NTM: variants seen among roughly 807,000 people sequenced by gnomAD.
The protein encoded by NTM is IgLON family member 2.
In NTM, 13 loss-of-function variants were observed where a neutral mutation model predicts 42.1. The observed-to-expected ratio is 0.31, with a 90% CI of 0.20 to 0.49. The LOEUF is 0.49. NTM is among the 20% of genes least tolerant of loss of function. NTM has a pLI of 0.99. For missense variants in NTM, 373 were observed against 452.8 expected (o/e 0.82, Z 1.60); for synonymous variants, 187 against 179.2 (o/e 1.04, Z -0.35).
chr11:132,237,706 G>A (rs1214497464), intron 4 of NTM, among the ~76,000 whole-genome samples: 1 of 152,110 alleles, frequency 6.6e-6, no homozygotes, highest in Non-Finnish European at 1.5e-5. Context: ...GTCCTCCCCT[G>A]TAAATCAGAA....
At chr11:131,504,691 A>G (rs1357206926) in intron 1 of NTM, among the ~76,000 whole-genome samples, 1 of 151,912 alleles carries the variant, frequency 6.6e-6, no homozygotes, top group African/African-American at 2.4e-5. Context: ...TGCGTGCTCC[A>G]TGGCCATCTG....
chr11:132,147,214 T>TGTGAGAGA (rs1337361068), intron 3 of NTM, among the ~76,000 whole-genome samples: 17 of 122,830 alleles, frequency 1.4e-4, no homozygotes, highest in African/African-American at 5.7e-4. Flanking sequence ...TGTGTGTGTG[T>TGTGAGAGA]GAGAGAGAGA....
At chr11:131,955,294 C>T (rs556578645) in intron 2 of NTM, among the ~76,000 whole-genome samples, 1 of 152,186 alleles carries the variant, frequency 6.6e-6, no homozygotes, top group South Asian at 2.1e-4. Flanking sequence ...ACTGCGTTGC[C>T]TGGAATAGTA....
chr11:132,013,896 G>A (rs976819174), intron 2 of NTM, among the ~76,000 whole-genome samples: 16 of 152,124 alleles, frequency 1.1e-4, no homozygotes, highest in African/African-American at 3.6e-4. Flanking sequence ...ATTTCGAGTG[G>A]TATCTTCTAG....
rs376227131 is a variant in NTM at position 131,926,904 on chromosome 11, C to A, written c.167+15256C>A. Among the ~76,000 whole-genome samples, 5 of 152,268 alleles carry A rather than the reference C, an allele frequency of 3.3e-5. No individual in the cohort carries two copies. The East Asian group carries it at 5.8e-4, about 18-fold the overall frequency. ...ACTTATCACATCTGCAAGTTATAAA[C>A]GTTTAAAATGTGCATGATATCCAAT... On this transcript the variant is annotated intron_variant, in intron 2 of 8. Transcript: ENST00000683400.
intron 7 of NTM, among the ~76,000 whole-genome samples, chr11:132,317,452 A>G (rs1457910958): frequency 6.6e-6 from 1 of 152,110 alleles, no homozygotes; most frequent in Non-Finnish European, 1.5e-5. Context: ...GGCATTCAAT[A>G]TGGAAACATA....
At chr11:131,852,213 G>A (rs184410391) in intron 1 of NTM, among the ~76,000 whole-genome samples, 1 of 152,248 alleles carries the variant, frequency 6.6e-6, no homozygotes, top group African/African-American at 2.4e-5. Context: ...CCAGCCTTGG[G>A]AACTTCAAAC....
At chr11:131,796,800 C>T (rs535031578) in intron 1 of NTM, among the ~76,000 whole-genome samples, 1 of 152,172 alleles carries the variant, frequency 6.6e-6, no homozygotes, top group Non-Finnish European at 1.5e-5. Flanking sequence ...CTGTCATGCA[C>T]CAATGACGGC....
chr11:131,789,982 G>T (rs1289460765), intron 1 of NTM, among the ~76,000 whole-genome samples: 1 of 86,574 alleles, frequency 1.2e-5, no homozygotes, highest in Non-Finnish European at 2.4e-5. Context: ...AAAAAAAAAA[G>T]CATGCTTCTC....
intron 2 of NTM, among the ~76,000 whole-genome samples, chr11:132,065,357 T>A (rs929791193): frequency 6.6e-6 from 1 of 152,084 alleles, no homozygotes; most frequent in Non-Finnish European, 1.5e-5. Context: ...TCAAACATCA[T>A]CTCAGGGCAA....
intron 1 of NTM, among the ~76,000 whole-genome samples, chr11:131,845,313 AAT>A (rs2044756926): frequency 6.6e-6 from 1 of 152,176 alleles, no homozygotes; most frequent in African/African-American, 2.4e-5. Context: ...CTCAGACAAA[AAT>A]AAATGGAGGT....
At chr11:131,712,078 C>T in intron 1 of NTM, among the ~76,000 whole-genome samples, 1 of 147,784 alleles carries the variant, frequency 6.8e-6, no homozygotes, top group Admixed American at 6.8e-5. Flanking sequence ...CACATGTATA[C>T]ATATGTAACT....
At chr11:131,752,097 A>G (rs947574647) in intron 1 of NTM, among the ~76,000 whole-genome samples, 4 of 152,238 alleles carry the variant, frequency 2.6e-5, no homozygotes, top group African/African-American at 9.6e-5. Flanking sequence ...AGAAGTTGAA[A>G]GATTGATGGT....
intron 1 of NTM, chr11:131,455,546 G>A (rs1236376683): frequency 1.3e-5 from 2 of 152,298 alleles, no homozygotes; most frequent in Admixed American, 6.5e-5. Flanking sequence ...TGAGAAGAAT[G>A]GAGGGAGGGT....
chr11:131,559,281 C>T (rs1407849807), intron 1 of NTM, among the ~76,000 whole-genome samples: 3 of 152,226 alleles, frequency 2.0e-5, no homozygotes, highest in Admixed American at 2.0e-4. Context: ...AAACATATGG[C>T]TATTCCGAAC....
At chr11:131,601,795 T>A (rs763713116) in intron 1 of NTM, among the ~76,000 whole-genome samples, 1 of 152,236 alleles carries the variant, frequency 6.6e-6, no homozygotes, top group Non-Finnish European at 1.5e-5. Flanking sequence ...GTTTATTTAG[T>A]CATCATATAT....
chr11:131,377,142 G>A (rs1445655583), intron 1 of NTM, among the ~76,000 whole-genome samples: 1 of 152,174 alleles, frequency 6.6e-6, no homozygotes, highest in Non-Finnish European at 1.5e-5. Context: ...CTTGTTTTGA[G>A]ACAGGGGTTT....
At chr11:132,014,436 A>G (rs2072943649) in intron 2 of NTM, among the ~76,000 whole-genome samples, 1 of 152,184 alleles carries the variant, frequency 6.6e-6, no homozygotes, top group Non-Finnish European at 1.5e-5. Context: ...ATCATATGAT[A>G]GTTCTATTTT....
intron 2 of NTM, among the ~76,000 whole-genome samples, chr11:132,140,095 G>T (rs979567226): frequency 1.3e-5 from 2 of 152,208 alleles, no homozygotes; most frequent in African/African-American, 2.4e-5. Flanking sequence ...AAGAAGAGAG[G>T]TTATTTCTAC....
Sources: allele counts gnomAD v4.1 joint callset (sites outside exome capture counted in the v4.1 genomes callset), GRCh38; gene constraint gnomAD v4.1.1; transcripts MANE v1.5; gene names NCBI Gene and HGNC (gene_info 2026-07-23, HGNC 2026-07-21).